The following CTSD variants were observed in gnomAD, a reference collection of about 807,000 sequenced individuals.
CTSD encodes the protein ceroid-lipofuscinosis, neuronal 10.
Under a neutral mutation model 43.6 loss-of-function variants are expected in CTSD, and 28 were observed. The observed-to-expected ratio is 0.64, with a 90% confidence interval of 0.48 to 0.88. The LOEUF is 0.88. Ranked by LOEUF, CTSD falls within the 40% of genes least tolerant of loss-of-function variation. CTSD has a pLI of 0.00. For missense variants in CTSD, 485 were observed against 555.2 expected, an observed-to-expected ratio of 0.87 and a Z score of 1.27; for synonymous variants, 270 against 249.8, an observed-to-expected ratio of 1.08 and a Z score of -0.76.
intron 1 of CTSD, chr11:1,763,165 G>C (rs1051737732): frequency 2.0e-5 from 3 of 152,498 alleles, no homozygotes; most frequent in Non-Finnish European, 4.4e-5. Flanking sequence ...ACCTGGCACA[G>C]GGGATCGGCC....
chr11:1,761,578 A>G (rs1845878878), intron 1 of CTSD, 110 bp from the exon 2 acceptor site: 3 of 1,216,566 alleles, frequency 2.5e-6, no homozygotes, highest in African/African-American at 3.0e-5. Context: ...GAGTCGCCAC[A>G]GCCAAAACCA....
rs367743333 is a variant in CTSD at position 1,759,522 on chromosome 11, C to T, written c.346G>A (p.Ala116Thr). ...PSIHCKLLDI[A>T]CWIHHKYNSD... The stretch of plus-strand genomic sequence containing the variant: ...GCCAGGGTTCGTGACTCACAGCAAG[C>T]GATGTCCAGCAGTTTGCAGTGGATG... Residue 116 changes from alanine to threonine, a missense_variant, in exon 3 of 9, where the codon GCT becomes ACT. Coordinates refer to ENST00000236671, the MANE Select transcript of CTSD (RefSeq NM_001909.5). 10 of 1,613,346 alleles carry T rather than the reference C, an allele frequency of 6.2e-6. No homozygotes were observed. The highest frequency in any genetic ancestry group is 1.7e-5 in the Admixed American group (1 of 60,010).
At position 1,759,105 on chromosome 11, in the gene CTSD, G is replaced by T. The variant is rs758618565; in HGVS notation, c.353-18C>A. The T allele has an allele frequency of 6.4e-7, 1 of 1,570,618 alleles. No homozygotes were observed. Among genetic ancestry groups the T allele is most frequent in the Admixed American group, 1.7e-5 (1 of 59,978 alleles). On this transcript the variant is annotated intron_variant, in intron 3 of 8. Transcript: ENST00000236671. The stretch of plus-strand genomic sequence containing the variant: ...GTGGATCCCTGCCCCGGGCGACAAG[G>T]GGGCCCGCCGGTCATCCCGCAGCCC...
intron 5 of CTSD, 63 bp from the exon 6 acceptor site, chr11:1,755,091 G>A: frequency 1.2e-6 from 2 of 1,600,644 alleles, no homozygotes; most frequent in Admixed American, 1.7e-5. Flanking sequence ...TGCCAGGTCA[G>A]GAGTAAGAGG....
At position 1,753,210 on chromosome 11, in the gene CTSD, G is replaced by A. The variant is rs923045287; in HGVS notation, c.*293C>T. 14 of 478,522 alleles carry A rather than the reference G, an allele frequency of 2.9e-5. No homozygotes were observed. Among genetic ancestry groups the A allele is most frequent in the Admixed American group, 6.7e-5 (2 of 29,886 alleles). The allele number at this position is 478,522 out of a possible 1,614,324, so 29.6% of individuals were successfully genotyped here. ...AGGGAGCCCCAGGATACACGAGCTC[G>A]GCTGCCAAGCTTGGGTGGGGTCTTC... On this transcript the variant is annotated 3_prime_UTR_variant, in exon 9 of 9. Transcript: ENST00000236671.
At chr11:1,763,446 C>A in intron 1 of CTSD, 1 of 316,412 alleles carries the variant, frequency 3.2e-6, no homozygotes, top group South Asian at 4.3e-5. Flanking sequence ...GCGCTCAGTA[C>A]AGACCCCAAT....
At position 1,754,132 on chromosome 11, in the gene CTSD, C is replaced by G. The variant is rs1845765111; in HGVS notation, c.834G>C (p.Glu278Asp). 6 of 1,608,906 alleles carry G rather than the reference C, an allele frequency of 3.7e-6. No individual in the cohort carries two copies. Among genetic ancestry groups the G allele is most frequent in the Non-Finnish European group, 5.1e-6 (6 of 1,179,622 alleles). Reference sequence around the variant, plus strand: ...TGCACAGGGTCAGCCCGCTGGCCACCTCCACCCTGCGGGGAGTCAGGGCGT... The same window carrying G: ...TGCACAGGGTCAGCCCGCTGGCCACGTCCACCCTGCGGGGAGTCAGGGCGT... The part of the protein sequence containing the change: ...AYWQVHLDQV[E>D]VASGLTLCKE... The change falls in exon 7 of 9, where the codon GAG becomes GAC. Residue 278 changes from glutamate (E) to aspartate (D), a missense_variant. By Grantham distance (45) the Glu-to-Asp change is conservative. Transcript: ENST00000236671.
chr11:1,754,872 G>A (rs776984901), intron 6 of CTSD, 34 bp downstream of exon 6: 5 of 1,613,200 alleles, frequency 3.1e-6, no homozygotes, highest in South Asian at 2.2e-5. Context: ...CCCGCCCACA[G>A]AACCCAGGGG....
At chr11:1,755,633 A>G (rs954026757) in intron 5 of CTSD, among the ~76,000 whole-genome samples, 7 of 152,102 alleles carry the variant, frequency 4.6e-5, no homozygotes, top group Admixed American at 4.6e-4. Flanking sequence ...GTTTCTAAAC[A>G]TTGCTCAAGT....
At chr11:1,758,464 TGAGGATG>T (rs1388101144) in intron 4 of CTSD, among the ~76,000 whole-genome samples, 5 of 152,106 alleles carry the variant, frequency 3.3e-5, no homozygotes, top group Non-Finnish European at 7.4e-5. Flanking sequence ...CACAGGGCCC[TGAGGATG>T]GTGGATGCAG....
intron 3 of CTSD, among the ~76,000 whole-genome samples, chr11:1,759,312 C>A (rs531433411): frequency 3.3e-4 from 50 of 152,336 alleles, no homozygotes; most frequent in Non-Finnish European, 6.9e-4. Flanking sequence ...TCTGTGGCCA[C>A]CCCAGCCCCA....
Position 1,763,897 on chromosome 11 carries a change from G to A in CTSD, c.-38C>T, listed in dbSNP as rs1845915345. On this transcript the variant is annotated 5_prime_UTR_variant, in exon 1 of 9. The change creates a new upstream start codon in the 5' untranslated region. Coordinates refer to ENST00000236671, the MANE Select transcript of CTSD (RefSeq NM_001909.5). ...CGGGTCGGAGAGGGTCGCCGAGGCCGTGCGCTTATAGCCGGGATGACGCCG... is the reference window on the plus strand; with the variant it reads ...CGGGTCGGAGAGGGTCGCCGAGGCCATGCGCTTATAGCCGGGATGACGCCG... The A allele has an allele frequency of 2.7e-6, 4 of 1,504,504 alleles. No homozygotes were observed. Among genetic ancestry groups the A allele is most frequent in the Admixed American group, 2.0e-5 (1 of 49,154 alleles). 93.2% of individuals were successfully genotyped at this position (1,504,504 alleles called of 1,614,324 possible). A position where few individuals can be genotyped will look rare whatever the true frequency, so the allele number is the denominator to read the frequency against.
At chr11:1,754,425 GC>G (rs1249354578) in intron 6 of CTSD, among the ~76,000 whole-genome samples, 12 of 122,394 alleles carry the variant, frequency 9.8e-5, no homozygotes, top group Admixed American at 7.6e-4. Flanking sequence ...GGATGGAGGG[GC>G]ATGGAGGGAT....
chr11:1,754,060 CA>C lies in CTSD; in HGVS notation c.905del (p.Val302GlyfsTer19). The C allele has an allele frequency of 1.2e-6, 2 of 1,611,524 alleles. No homozygotes were observed. The highest frequency in any genetic ancestry group is 2.2e-5 in the South Asian group (2 of 91,018). On this transcript the variant is annotated frameshift_variant, in exon 7 of 9. Coordinates refer to ENST00000236671, the MANE Select transcript of CTSD (RefSeq NM_001909.5). LOFTEE classifies it high-confidence loss of function. ...AIVDTGTSLM[V>X]GPVDEVRELQ... is the part of the protein sequence containing the mutation. ...GCTCGCGCACCTCATCCACCGGGCC[CA>C]CCATGAGGGAAGTGCCTGTGTCCAC...
chr11:1,763,347 A>G (rs193231415), intron 1 of CTSD, among the ~76,000 whole-genome samples: 23 of 152,306 alleles, frequency 1.5e-4, no homozygotes, highest in African/African-American at 5.1e-4. Flanking sequence ...TAAAGCCCCC[A>G]GTTCACAGGT....
rs370985523 is a variant in CTSD at position 1,753,572 on chromosome 11, G to A, written c.1170C>T (p.Ile390=). The A allele has an allele frequency of 9.9e-6, 16 of 1,612,986 alleles. No individual in the cohort carries two copies. Among genetic ancestry groups the A allele is most frequent in the African/African-American group, 2.7e-5 (2 of 74,908 alleles). Residue 390 remains isoleucine (I), a synonymous_variant, in exon 9 of 9, where the codon ATC becomes ATT. Transcript: ENST00000236671. ...GGTCAAACACAGTGTAGTAGCGGCC[G>A]ATGAAGACGTCGCCCAGGATCCAGA... ...GPLWILGDVF[I]GRYYTVFDRD...
At chr11:1,754,785 T>G in intron 6 of CTSD, 121 bp downstream of exon 6, 1 of 1,228,034 alleles carries the variant, frequency 8.1e-7, no homozygotes, top group Non-Finnish European at 1.1e-6. Flanking sequence ...CATCTCTTTC[T>G]TGCCCAGCTC....
At chr11:1,755,835 C>A (rs1845802930) in intron 5 of CTSD, among the ~76,000 whole-genome samples, 1 of 152,140 alleles carries the variant, frequency 6.6e-6, no homozygotes, top group Admixed American at 6.5e-5. Flanking sequence ...CCAGCCTCCT[C>A]CGCCTTTGCC....
intron 1 of CTSD, 149 bp downstream of exon 1, chr11:1,763,643 G>T: frequency 2.6e-6 from 2 of 757,752 alleles, no homozygotes; most frequent in African/African-American, 1.9e-5. Flanking sequence ...CCGTGCAGGA[G>T]GCCGCGCAGG....
Sources: allele counts gnomAD v4.1 joint callset (sites outside exome capture counted in the v4.1 genomes callset), GRCh38; gene constraint gnomAD v4.1.1; transcripts MANE v1.5; gene names NCBI Gene and HGNC (gene_info 2026-07-23, HGNC 2026-07-21).